Variants in NLGN1 observed in about 807,000 individuals in gnomAD.
NLGN1 encodes neuroligin-1.
Under a neutral mutation model 65.5 loss-of-function variants are expected in NLGN1, and 12 were observed. The observed-to-expected ratio is 0.18, with a 90% CI of 0.12 to 0.30. The LOEUF is 0.30. Ranked by LOEUF, NLGN1 falls within the 10% of genes least tolerant of loss-of-function variation. NLGN1 has a pLI of 1.00. For synonymous variants in NLGN1, 350 were observed against 359.5 expected (o/e 0.97, Z 0.30); for missense variants, 750 against 1,007.1 (o/e 0.74, Z 3.46).
At chr3:173,550,695 A>G (rs1242064524) in intron 2 of NLGN1, among the ~76,000 whole-genome samples, 1 of 39,712 alleles carries the variant, frequency 2.5e-5, no homozygotes, top group Non-Finnish European at 4.7e-5. Flanking sequence ...CTAAACCTGC[A>G]ATGTCTTTTT....
chr3:173,492,292 A>T (rs187596536), intron 2 of NLGN1, among the ~76,000 whole-genome samples: 4 of 151,944 alleles, frequency 2.6e-5, no homozygotes, highest in Non-Finnish European at 5.9e-5. Flanking sequence ...GCATTCGATA[A>T]TACCTCTGTA....
chr3:173,916,464 C>A (rs1740753190), intron 4 of NLGN1, among the ~76,000 whole-genome samples: 1 of 151,970 alleles, frequency 6.6e-6, no homozygotes. Context: ...TGCAATATAG[C>A]CTAATTATAA....
At chr3:173,667,457 T>C (rs1168759903) in intron 3 of NLGN1, among the ~76,000 whole-genome samples, 1 of 152,144 alleles carries the variant, frequency 6.6e-6, no homozygotes, top group African/African-American at 2.4e-5. Context: ...TCCCTGAAGG[T>C]AACATCTAGC....
chr3:174,225,018 C>T (rs1199423378), intron 4 of NLGN1, among the ~76,000 whole-genome samples: 2 of 152,082 alleles, frequency 1.3e-5, no homozygotes, highest in Non-Finnish European at 2.9e-5. Context: ...TGGACTCTTT[C>T]CTTTCCCTCC....
At chr3:173,510,959 A>T (rs1732848759) in intron 2 of NLGN1, among the ~76,000 whole-genome samples, 1 of 152,224 alleles carries the variant, frequency 6.6e-6, no homozygotes, top group Non-Finnish European at 1.5e-5. Flanking sequence ...CTTATCTTAA[A>T]TCTAGGAACC....
At chr3:174,128,749 C>T (rs1475494269) in intron 4 of NLGN1, among the ~76,000 whole-genome samples, 1 of 152,136 alleles carries the variant, frequency 6.6e-6, no homozygotes, top group Non-Finnish European at 1.5e-5. Context: ...GAGACACCTG[C>T]CTGGACATTC....
At chr3:173,907,185 C>G (rs1054044967) in intron 4 of NLGN1, among the ~76,000 whole-genome samples, 1 of 152,136 alleles carries the variant, frequency 6.6e-6, no homozygotes, top group Non-Finnish European at 1.5e-5. Context: ...AGCTCTGCTT[C>G]GTTATAAAGA....
intron 4 of NLGN1, among the ~76,000 whole-genome samples, chr3:173,862,919 C>A (rs947390043): frequency 3.9e-5 from 6 of 152,140 alleles, no homozygotes; most frequent in African/African-American, 1.4e-4. Context: ...GCCAGGTTAA[C>A]CCCTATACCC....
intron 4 of NLGN1, among the ~76,000 whole-genome samples, chr3:174,114,851 C>A (rs1385326249): frequency 6.6e-6 from 1 of 152,102 alleles, no homozygotes; most frequent in Non-Finnish European, 1.5e-5. Context: ...TTCCAAGTAT[C>A]AGGAATCTCT....
At chr3:173,812,070 A>C (rs1324831142) in intron 4 of NLGN1, among the ~76,000 whole-genome samples, 2 of 152,136 alleles carry the variant, frequency 1.3e-5, no homozygotes, top group Non-Finnish European at 2.9e-5. Context: ...TTAGAAAAAA[A>C]GTTTAAATAT....
intron 3 of NLGN1, among the ~76,000 whole-genome samples, chr3:173,800,588 C>T (rs773277298): frequency 4.6e-5 from 7 of 151,378 alleles, no homozygotes; most frequent in Non-Finnish European, 1.0e-4. Flanking sequence ...AAAAGAGGGG[C>T]ATTTTTTTTT....
intron 3 of NLGN1, among the ~76,000 whole-genome samples, chr3:173,791,004 T>C (rs1476754455): frequency 6.6e-6 from 1 of 152,198 alleles, no homozygotes; most frequent in Non-Finnish European, 1.5e-5. Flanking sequence ...GAAATACCTT[T>C]TAGAGTCTTA....
In NLGN1 at chr3:173,748,841, T is replaced by G. The variant is rs570936800; in HGVS notation, c.494-58839T>G. On this transcript the variant is annotated intron_variant, in intron 3 of 6. Coordinates refer to ENST00000457714, the Ensembl canonical transcript of NLGN1. ...GTTTGAGTAAGGTTGCTTATTTATTTGAAGAAGTTTGGGTTGCAGCAAGGT... is the reference window on the plus strand; with the variant it reads ...GTTTGAGTAAGGTTGCTTATTTATTGGAAGAAGTTTGGGTTGCAGCAAGGT... 2.6e-3 allele frequency among the ~76,000 whole-genome samples: 392 copies of G among 152,222 alleles called. 1 individual carries two copies. Among genetic ancestry groups the G allele is most frequent in the African/African-American group, 8.8e-3 (367 of 41,574 alleles).
At chr3:173,485,892 A>G (rs996388325) in intron 2 of NLGN1, among the ~76,000 whole-genome samples, 5 of 152,072 alleles carry the variant, frequency 3.3e-5, no homozygotes, top group African/African-American at 1.2e-4. Context: ...TAATTTGGCT[A>G]AATAGTCCAG....
chr3:173,547,234 G>C (rs1740019942), intron 2 of NLGN1, among the ~76,000 whole-genome samples: 1 of 152,062 alleles, frequency 6.6e-6, no homozygotes, highest in South Asian at 2.1e-4. Context: ...ACCATCAACT[G>C]TCATTTGAGT....
chr3:174,186,941 C>T (rs1731513286), intron 4 of NLGN1, among the ~76,000 whole-genome samples: 1 of 149,440 alleles, frequency 6.7e-6, no homozygotes, highest in African/African-American at 2.5e-5. Flanking sequence ...GAACTCCCTC[C>T]AGATACTACA....
intron 3 of NLGN1, among the ~76,000 whole-genome samples, chr3:173,681,314 T>G (rs1457243647): frequency 6.6e-6 from 1 of 152,156 alleles, no homozygotes; most frequent in African/African-American, 2.4e-5. Flanking sequence ...AATAGAAGAT[T>G]GATGTTTTGA....
intron 2 of NLGN1, among the ~76,000 whole-genome samples, chr3:173,568,702 A>G (rs1744130552): frequency 6.7e-6 from 1 of 149,416 alleles, no homozygotes; most frequent in African/African-American, 2.5e-5. Flanking sequence ...TTGAGATGGA[A>G]TCTCGCTCTG....
At chr3:173,906,887 A>T (rs1479879909) in intron 4 of NLGN1, among the ~76,000 whole-genome samples, 1 of 151,596 alleles carries the variant, frequency 6.6e-6, no homozygotes, top group Non-Finnish European at 1.5e-5. Context: ...ACAAAAAAAA[A>T]AAAAAAAAAA....
Sources: gnomAD v4.1 joint callset for allele counts (sites outside exome capture counted in the v4.1 genomes callset) on GRCh38, gnomAD v4.1.1 for gene constraint, MANE v1.5 for transcripts, NCBI Gene and HGNC (gene_info 2026-07-23, HGNC 2026-07-21) for gene names.